Variants in KNTC1 observed in about 807,000 individuals in gnomAD.
KNTC1 encodes kinetochore-associated protein 1.
KNTC1 carries 253 observed loss-of-function variants against 314.4 expected under a neutral mutation model. The observed-to-expected ratio is 0.80, with a 90% CI of 0.73 to 0.89. The LOEUF (loss-of-function observed/expected upper bound fraction) is 0.89, where lower values mean the gene tolerates loss of function less well. KNTC1 is among the 40% of genes least tolerant of loss of function. The pLI is 0.00. For synonymous variants in KNTC1, 901 were observed against 901.4 expected (o/e 1.00, Z 0.01); for missense variants, 2,475 against 2,572.9 (o/e 0.96, Z 0.82).
intron 2 of KNTC1, among the ~76,000 whole-genome samples, chr12:122,530,395 A>G (rs902895370): frequency 6.6e-6 from 1 of 152,052 alleles, no homozygotes; most frequent in Admixed American, 6.6e-5. Context: ...AAGGATTCTT[A>G]GTTCCTCTTG....
intron 7 of KNTC1, among the ~76,000 whole-genome samples, chr12:122,543,896 A>G (rs767841868): frequency 2.6e-5 from 4 of 152,078 alleles, no homozygotes; most frequent in African/African-American, 7.2e-5. Flanking sequence ...TAAAAAATAC[A>G]AAATTAGCCG....
chr12:122,625,870 A>T (rs1034354039), intron 63 of KNTC1, among the ~76,000 whole-genome samples: 1 of 152,100 alleles, frequency 6.6e-6, no homozygotes, highest in Non-Finnish European at 1.5e-5. Flanking sequence ...GCTTTAGTAA[A>T]CCTAAGTATC....
intron 57 of KNTC1, 61 bp downstream of exon 57, chr12:122,615,587 A>T (rs1873682034): frequency 7.2e-7 from 1 of 1,390,766 alleles, no homozygotes. Context: ...TGGCCTTGTG[A>T]CTGCTGGGGA....
chr12:122,574,484 T>C, intron 27 of KNTC1, 104 bp downstream of exon 27: 1 of 675,912 alleles, frequency 1.5e-6, no homozygotes, highest in South Asian at 1.9e-5. Flanking sequence ...TTGTTTGAGA[T>C]GGGTCTGGCT....
intron 12 of KNTC1, 132 bp from the exon 13 acceptor site, chr12:122,549,634 G>A: frequency 1.7e-6 from 1 of 596,148 alleles, no homozygotes; most frequent in Admixed American, 2.8e-5. Context: ...CCAAAGTGCT[G>A]GGATTATAGG....
chr12:122,597,334 C>A (rs1475212383), intron 43 of KNTC1: 1 of 205,620 alleles, frequency 4.9e-6, no homozygotes, highest in Non-Finnish European at 9.9e-6. Flanking sequence ...CCGCAACCTC[C>A]ACCTCCCGGG....
chr12:122,582,128 A>T (rs1207813335), intron 33 of KNTC1, among the ~76,000 whole-genome samples: 1 of 152,176 alleles, frequency 6.6e-6, no homozygotes, highest in Non-Finnish European at 1.5e-5. Flanking sequence ...TGTGAAAACC[A>T]TCTGGAGGCC....
intron 2 of KNTC1, among the ~76,000 whole-genome samples, chr12:122,532,806 T>C (rs1375699173): frequency 6.6e-6 from 1 of 152,242 alleles, no homozygotes; most frequent in Non-Finnish European, 1.5e-5. Flanking sequence ...TGCTTAGCTG[T>C]GCAAGTCAGT....
intron 33 of KNTC1, among the ~76,000 whole-genome samples, chr12:122,580,872 C>T (rs1965375197): frequency 6.6e-6 from 1 of 151,942 alleles, no homozygotes; most frequent in African/African-American, 2.4e-5. Context: ...ACTAAAAATA[C>T]AAAAAATTAG....
chr12:122,583,448 G>A (rs1037560868), intron 34 of KNTC1, among the ~76,000 whole-genome samples: 3 of 152,206 alleles, frequency 2.0e-5, no homozygotes, highest in Non-Finnish European at 4.4e-5. Flanking sequence ...AGGCAAGTAA[G>A]CAATACTGCA....
intron 3 of KNTC1, 49 bp from the exon 4 acceptor site, chr12:122,538,290 A>G: frequency 9.1e-7 from 1 of 1,094,586 alleles, no homozygotes; most frequent in Non-Finnish European, 1.3e-6. Context: ...TTTGTATTGA[A>G]AATAAAGATT....
At chr12:122,603,713 G>A (rs1366097015) in intron 48 of KNTC1, among the ~76,000 whole-genome samples, 1 of 151,990 alleles carries the variant, frequency 6.6e-6, no homozygotes, top group African/African-American at 2.4e-5. Context: ...GGATGATCTC[G>A]ATCTCTTGAC....
chr12:122,560,700 C>T (rs1179046426), intron 18 of KNTC1, among the ~76,000 whole-genome samples: 1 of 152,200 alleles, frequency 6.6e-6, no homozygotes, highest in East Asian at 1.9e-4. Flanking sequence ...TTTTAAGGAA[C>T]TACCATGTTT....
chr12:122,560,223 T>C (rs1311115340), intron 18 of KNTC1, among the ~76,000 whole-genome samples: 4 of 152,232 alleles, frequency 2.6e-5, no homozygotes, highest in Admixed American at 1.3e-4. Flanking sequence ...TCCCTGACTC[T>C]GACCCTAACC....
At chr12:122,594,100 T>C (rs559486400) in intron 42 of KNTC1, 176 bp from the exon 43 acceptor site, 190 of 583,366 alleles carry the variant, frequency 3.3e-4, no homozygotes, top group Non-Finnish European at 4.4e-4. Flanking sequence ...CGGACCCATG[T>C]ACACCTCAAA....
chr12:122,557,857 A>G (rs969684531), intron 18 of KNTC1, among the ~76,000 whole-genome samples, 168 bp downstream of exon 18: 1 of 152,208 alleles, frequency 6.6e-6, no homozygotes, highest in African/African-American at 2.4e-5. Flanking sequence ...TATACAATTC[A>G]CCTATTTAAA....
chr12:122,557,340 T>A, intron 16 of KNTC1, 44 bp from the exon 17 acceptor site: 1 of 1,583,132 alleles, frequency 6.3e-7, no homozygotes, highest in Non-Finnish European at 8.6e-7. Context: ...TCCACAGGTA[T>A]TATTGTACTT....
chr12:122,542,515 T>C (rs997124912), intron 6 of KNTC1, among the ~76,000 whole-genome samples: 1 of 152,178 alleles, frequency 6.6e-6, no homozygotes, highest in Admixed American at 6.5e-5. Flanking sequence ...CCTGTAATCC[T>C]GGCACTTTGG....
In KNTC1 at chr12:122,557,521, T is replaced by G; in HGVS notation, c.1398+12T>G. 6.2e-7 allele frequency: 1 copy of G among 1,613,252 alleles called. No individual in the cohort carries two copies. Among genetic ancestry groups the G allele is most frequent in the South Asian group, 1.1e-5 (1 of 90,966 alleles). On this transcript the variant is annotated intron_variant, in intron 17 of 63. Coordinates refer to ENST00000333479, the MANE Select transcript of KNTC1 (RefSeq NM_014708.6). ...TACATAAGATCCAGGTATGTTTTTC[T>G]TGTCACATACTACAGTATTTAGATT...
Sources: gnomAD v4.1 joint callset for allele counts (sites outside exome capture counted in the v4.1 genomes callset) on GRCh38, gnomAD v4.1.1 for gene constraint, MANE v1.5 for transcripts, NCBI Gene and HGNC (gene_info 2026-07-23, HGNC 2026-07-21) for gene names.